The following BFAR variants were observed in gnomAD, a reference collection of about 807,000 sequenced individuals.
BFAR encodes the protein RING finger protein 47.
BFAR carries 52 observed loss-of-function variants against 54.4 expected under a neutral mutation model. That is an observed-to-expected ratio of 0.96 (90% confidence interval 0.77 to 1.21). BFAR has a LOEUF of 1.21. Ranked by LOEUF, BFAR falls within the 50% of genes most tolerant of loss-of-function variation. The pLI is 0.00. For synonymous variants in BFAR, 215 were observed against 204.3 expected, an observed-to-expected ratio of 1.05 and a Z score of -0.45; for missense variants, 571 against 534.0, an observed-to-expected ratio of 1.07 and a Z score of -0.68.
At chr16:14,640,621 G>A (rs1959591803) in intron 1 of BFAR, among the ~76,000 whole-genome samples, 1 of 152,186 alleles carries the variant, frequency 6.6e-6, no homozygotes, top group Non-Finnish European at 1.5e-5. Flanking sequence ...TAGGGCGGTG[G>A]CTACTGGTGG....
chr16:14,664,426 T>A (rs554090155), intron 6 of BFAR, among the ~76,000 whole-genome samples: 19 of 148,158 alleles, frequency 1.3e-4, no homozygotes, highest in Admixed American at 1.2e-3. Flanking sequence ...ACAAGATGAG[T>A]TGATGGATGG....
intron 6 of BFAR, among the ~76,000 whole-genome samples, chr16:14,663,572 C>T (rs1282687525): frequency 1.3e-5 from 2 of 150,962 alleles, no homozygotes; most frequent in Non-Finnish European, 3.0e-5. Flanking sequence ...ACCTCGTAAT[C>T]CGCCCTCCTC....
intron 1 of BFAR, among the ~76,000 whole-genome samples, chr16:14,636,169 A>G (rs1180527035): frequency 6.6e-6 from 1 of 152,174 alleles, no homozygotes; most frequent in African/African-American, 2.4e-5. Context: ...TTGCCCCTCC[A>G]CACCTGTGGG....
At chr16:14,649,131 G>A (rs934633519) in intron 3 of BFAR, among the ~76,000 whole-genome samples, 53 of 148,046 alleles carry the variant, frequency 3.6e-4, no homozygotes, top group East Asian at 1.4e-3. Flanking sequence ...GCTAGAGTGC[G>A]GTGGCATGAT....
At chr16:14,639,241 C>T (rs1025400559) in intron 1 of BFAR, among the ~76,000 whole-genome samples, 2 of 152,084 alleles carry the variant, frequency 1.3e-5, no homozygotes, top group Admixed American at 1.3e-4. Flanking sequence ...GCAGTCCACC[C>T]GCCTCAGCCT....
At chr16:14,644,726 C>G in intron 2 of BFAR, 117 bp downstream of exon 2, 1 of 1,277,010 alleles carries the variant, frequency 7.8e-7, no homozygotes. Context: ...AGGCTGGTCT[C>G]AAACTCCTGA....
At chr16:14,666,779 A>G (rs574889028) in intron 7 of BFAR, among the ~76,000 whole-genome samples, 5 of 152,322 alleles carry the variant, frequency 3.3e-5, no homozygotes, top group African/African-American at 1.2e-4. Flanking sequence ...CCATTTAGCA[A>G]ACTCACTTAT....
At chr16:14,653,496 T>A (rs1337699093) in intron 4 of BFAR, among the ~76,000 whole-genome samples, 1 of 151,938 alleles carries the variant, frequency 6.6e-6, no homozygotes, top group Non-Finnish European at 1.5e-5. Flanking sequence ...CCCGCCTAAT[T>A]TGTATTTTTA....
At position 14,655,191 on chromosome 16, in the gene BFAR, A is replaced by G; in HGVS notation, c.764A>G (p.Gln255Arg). The change falls in exon 5 of 8, where the codon CAG becomes CGG. Residue 255 changes from glutamine (Q) to arginine (R), a missense_variant. Transcript: ENST00000261658. ...RVKALGVKPP[Q>R]NLWEYKAVNP... The stretch of plus-strand genomic sequence containing the variant: ...AAAGCATTAGGCGTGAAGCCCCCCC[A>G]GAATCTCTGGGAATATAAGGTGAAC... 6.5e-7 allele frequency: 1 copy of G among 1,536,776 alleles called. No individual in the cohort carries two copies. Among genetic ancestry groups the G allele is most frequent in the Non-Finnish European group, 8.7e-7 (1 of 1,145,070 alleles).
intron 4 of BFAR, among the ~76,000 whole-genome samples, chr16:14,654,006 CT>C (rs776274046): frequency 0.023 from 2,766 of 121,468 alleles, 17 homozygotes; most frequent in African/African-American, 0.033. Flanking sequence ...CATCTAAGAA[CT>C]TTTTTTTTTT....
rs753189254 is a variant in BFAR at position 14,662,024 on chromosome 16, C to G, written c.916C>G (p.Gln306Glu). The G allele has an allele frequency of 3.7e-6, 6 of 1,614,166 alleles. No homozygotes were observed. Among genetic ancestry groups the G allele is most frequent in the East Asian group, 4.5e-5 (2 of 44,884 alleles). Residue 306 changes from glutamine to glutamate, a missense_variant, in exon 6 of 8, where the codon CAA becomes GAA. Gln to Glu is a conservative substitution (Grantham distance 29, BLOSUM62 2). Coordinates refer to ENST00000261658, the MANE Select transcript of BFAR (RefSeq NM_016561.3). ...TTTCATCCACACCATCTGCCCTCTG[C>G]AAGAAGACAGCTCTGGGGAGGACAT... is the stretch of plus-strand genomic sequence containing the variant. ...LPFIHTICPL[Q>E]EDSSGEDIVT...
intron 5 of BFAR, among the ~76,000 whole-genome samples, chr16:14,658,664 C>T (rs1285971108): frequency 4.0e-5 from 6 of 150,936 alleles, no homozygotes; most frequent in Non-Finnish European, 4.4e-5. Flanking sequence ...ACCCGGGAGA[C>T]GGAGCTTGCA....
chr16:14,665,135 T>G (rs1960408430), intron 7 of BFAR, 64 bp downstream of exon 7: 1 of 1,428,778 alleles, frequency 7.0e-7, no homozygotes, highest in African/African-American at 1.4e-5. Context: ...GAGAGAAAGA[T>G]CCTCTTTTAT....
In BFAR at chr16:14,649,070, CTTTTTTTTTTTTTT is replaced by C. The variant is rs544187036; in HGVS notation, c.468+488_468+501del. Among the ~76,000 whole-genome samples the C allele has an allele frequency of 8.8e-4, 92 of 104,474 alleles. 1 individual carries two copies. The highest frequency in any genetic ancestry group is 1.5e-3 in the Non-Finnish European group (77 of 53,090). 68.5% of individuals were successfully genotyped at this position (104,474 alleles called of 152,430 possible). A position where few individuals can be genotyped will look rare whatever the true frequency, so the allele number is the denominator to read the frequency against. ...TTTTATGTGGATTACATCTCTTGCT[CTTTTTTTTTTTTTT>C]TTTTTTTTTGAGATGAAGTCTTGCC... On this transcript the variant is annotated intron_variant, in intron 3 of 7. Transcript: ENST00000261658.
intron 1 of BFAR, among the ~76,000 whole-genome samples, chr16:14,640,044 A>G (rs1959573564): frequency 6.6e-6 from 1 of 151,804 alleles, no homozygotes; most frequent in South Asian, 2.1e-4. Context: ...CAGGCTACAT[A>G]GGAGGCTGAG....
intron 1 of BFAR, among the ~76,000 whole-genome samples, chr16:14,638,893 C>T (rs1449052594): frequency 6.6e-6 from 1 of 150,988 alleles, no homozygotes; most frequent in Non-Finnish European, 1.5e-5. Context: ...TGCAGTGAGC[C>T]GAGATTGCAC....
In BFAR at chr16:14,652,368, C is replaced by T. The variant is rs1567490611; in HGVS notation, c.638+2395C>T. On this transcript the variant is annotated intron_variant, in intron 4 of 7. Transcript: ENST00000261658. ...CGATCTCAGCTCACTGCAACCTCCACCTCCCAGTTTTGGGTGATCCTCCTG... is the reference window on the plus strand; with the variant it reads ...CGATCTCAGCTCACTGCAACCTCCATCTCCCAGTTTTGGGTGATCCTCCTG... 2.6e-5 allele frequency among the ~76,000 whole-genome samples: 4 copies of T among 152,042 alleles called. No individual in the cohort carries two copies. The East Asian group carries it at 7.8e-4, about 29-fold the overall frequency.
chr16:14,661,392 CTTTTTTTT>C (rs774393097), intron 5 of BFAR, among the ~76,000 whole-genome samples: 1 of 65,076 alleles, frequency 1.5e-5, no homozygotes, highest in South Asian at 7.0e-4. Context: ...GAGATTGGAT[CTTTTTTTT>C]TTTTTTTTTT....
intron 7 of BFAR, among the ~76,000 whole-genome samples, chr16:14,666,598 A>G (rs1163671566): frequency 1.3e-5 from 2 of 152,016 alleles, no homozygotes; most frequent in African/African-American, 2.4e-5. Flanking sequence ...CTTAGAAGCT[A>G]TTTCCAGAAG....
Sources: allele counts gnomAD v4.1 joint callset (sites outside exome capture counted in the v4.1 genomes callset), GRCh38; gene constraint gnomAD v4.1.1; transcripts MANE v1.5; gene names NCBI Gene and HGNC (gene_info 2026-07-23, HGNC 2026-07-21).